Variants in IFT80 observed in about 807,000 individuals in gnomAD.
IFT80 encodes intraflagellar transport protein 80 homolog.
IFT80 carries 79 observed loss-of-function variants against 107.9 expected under a neutral mutation model. That is an observed-to-expected ratio of 0.73 (90% CI 0.61 to 0.88). The LOEUF (loss-of-function observed/expected upper bound fraction) is 0.88, where lower values mean the gene tolerates loss of function less well. Among genes scored for constraint, IFT80 ranks in the 40% least tolerant of loss-of-function variants. IFT80 has a pLI of 0.00. For synonymous variants in IFT80, 299 were observed against 300.9 expected (o/e 0.99, Z 0.07); for missense variants, 797 against 914.2 (o/e 0.87, Z 1.65).
chr3:160,289,227 T>G (rs565583453), intron 12 of IFT80, among the ~76,000 whole-genome samples: 1 of 152,294 alleles, frequency 6.6e-6, no homozygotes, highest in South Asian at 2.1e-4. Flanking sequence ...AATTACCACA[T>G]GTTCACACTT....
At chr3:160,355,404 A>G (rs1275904620) in intron 8 of IFT80, among the ~76,000 whole-genome samples, 1 of 151,936 alleles carries the variant, frequency 6.6e-6, no homozygotes, top group African/African-American at 2.4e-5. Flanking sequence ...ATGCACCATC[A>G]TGCCTGGCAA....
chr3:160,398,511 G>A (rs997582372), intron 1 of IFT80, among the ~76,000 whole-genome samples: 5 of 152,142 alleles, frequency 3.3e-5, no homozygotes, highest in African/African-American at 7.2e-5. Context: ...AGGGAATTAG[G>A]AGCAAGTATG....
At chr3:160,326,471 T>A (rs1183911273) in intron 8 of IFT80, among the ~76,000 whole-genome samples, 1 of 152,114 alleles carries the variant, frequency 6.6e-6, no homozygotes, top group Admixed American at 6.6e-5. Flanking sequence ...AAAAAGCTTA[T>A]CCACCATGAT....
In IFT80 at chr3:160,279,237, T is replaced by G. The variant is rs770104467; in HGVS notation, c.1792A>C (p.Ser598Arg). The G allele has an allele frequency of 9.3e-6, 15 of 1,613,682 alleles. No homozygotes were observed. Among genetic ancestry groups the G allele is most frequent in the Non-Finnish European group, 1.3e-5 (15 of 1,179,770 alleles). The change falls in exon 16 of 20, where the codon AGT (serine) becomes CGT (arginine). Residue 598 changes from serine to arginine, a missense_variant. Transcript: ENST00000326448. ...YPAILHEYVSSSKWEDAVRLC... is the reference protein window; with the variant it reads ...YPAILHEYVSRSKWEDAVRLC... ...CTCACAGCATCTTCCCATTTTGAAC[T>G]GCTTACATATTCATGGAGAATAGCA...
chr3:160,334,562 A>G (rs1576826377), intron 8 of IFT80, among the ~76,000 whole-genome samples: 1 of 152,004 alleles, frequency 6.6e-6, no homozygotes, highest in Admixed American at 6.6e-5. Context: ...GACTACAGGC[A>G]CCTGCCAGCA....
Position 160,377,480 on chromosome 3 carries a change from C to A in IFT80, c.320G>T (p.Gly107Val). The A allele has an allele frequency of 6.2e-7, 1 of 1,611,654 alleles. No homozygotes were observed. The highest frequency in any genetic ancestry group is 8.5e-7 in the Non-Finnish European group (1 of 1,178,234). Residue 107 changes from glycine (G) to valine (V), a missense_variant, in exon 4 of 20, where the codon GGA becomes GTA. By Grantham distance (109) the Gly-to-Val change is moderately radical. Coordinates refer to ENST00000326448, the MANE Select transcript of IFT80 (RefSeq NM_020800.3). ...ATTCCATCTTCCTGCAAGTACTGCT[C>A]CACAGTGAGCTTCTACACTTTTTTC... Reference protein sequence around the residue: ...RVEKSVEAHCGAVLAGRWNYE... With the variant: ...RVEKSVEAHCVAVLAGRWNYE...
Position 160,297,268 on chromosome 3 carries a change from CAAG to C in IFT80, c.1315+3612_1315+3614del, listed in dbSNP as rs573714747. Among the ~76,000 whole-genome samples the C allele has an allele frequency of 1.2e-4, 18 of 152,004 alleles. No individual in the cohort carries two copies. In the South Asian group the frequency reaches 3.5e-3, roughly 30 times the overall value. On this transcript the variant is annotated intron_variant, in intron 12 of 19. Transcript: ENST00000326448. ...AAAGATTGTTGGGAAAGAAAAAAAA[CAAG>C]AAGATTATTTTGATGATTCTCTTTA...
chr3:160,277,691 A>C (rs376053856), intron 16 of IFT80, 21 bp from the exon 17 acceptor site: 1 of 1,519,824 alleles, frequency 6.6e-7, no homozygotes, highest in South Asian at 1.1e-5. Flanking sequence ...GTATGAGAAC[A>C]ATTATCTTAA....
chr3:160,260,897 G>C (rs1712770446), intron 19 of IFT80, among the ~76,000 whole-genome samples: 1 of 152,140 alleles, frequency 6.6e-6, no homozygotes. Context: ...ACTTTACAGA[G>C]AATATAGTGG....
chr3:160,278,390 C>T (rs1714433215), intron 16 of IFT80, among the ~76,000 whole-genome samples: 1 of 152,202 alleles, frequency 6.6e-6, no homozygotes, highest in African/African-American at 2.4e-5. Flanking sequence ...ACCAGCCTTC[C>T]CTGTGCTATG....
At chr3:160,333,371 A>G (rs1321318781) in intron 8 of IFT80, among the ~76,000 whole-genome samples, 1 of 152,216 alleles carries the variant, frequency 6.6e-6, no homozygotes, top group Non-Finnish European at 1.5e-5. Flanking sequence ...TAACAAATTA[A>G]CTTCAGCTGA....
intron 1 of IFT80, among the ~76,000 whole-genome samples, chr3:160,394,908 G>A (rs1713663292): frequency 6.6e-6 from 1 of 152,138 alleles, no homozygotes. Context: ...TAAGCTGGTG[G>A]ATACCAAAAC....
At chr3:160,271,387 T>A (rs975486462) in intron 18 of IFT80, among the ~76,000 whole-genome samples, 8 of 152,208 alleles carry the variant, frequency 5.3e-5, no homozygotes, top group Non-Finnish European at 1.2e-4. Flanking sequence ...GATTTTTGCA[T>A]AACTTGAATG....
chr3:160,366,128 C>T lies in IFT80; in HGVS notation c.464G>A (p.Trp155Ter). 3.7e-6 allele frequency: 6 copies of T among 1,611,874 alleles called. No homozygotes were observed. Among genetic ancestry groups the T allele is most frequent in the Non-Finnish European group, 5.1e-6 (6 of 1,178,666 alleles). The change falls in exon 6 of 20, where the codon TGG becomes TAG. Residue 155 changes from tryptophan (W) to a stop codon, truncating the protein, a stop_gained. Coordinates refer to ENST00000326448, the MANE Select transcript of IFT80 (RefSeq NM_020800.3). LOFTEE classifies it high-confidence loss of function. The stretch of plus-strand genomic sequence containing the variant: ...AAGAACCTTTTCTGAATCAGGGCCC[C>T]ACGCTACTGAATACACTGGTGTTCC... Reference protein sequence around the residue: ...QQGTPVYSVAWGPDSEKVLYT... With the variant: ...QQGTPVYSVA
chr3:160,277,168 C>A, intron 18 of IFT80, 138 bp downstream of exon 18: 3 of 774,778 alleles, frequency 3.9e-6, no homozygotes, highest in Admixed American at 2.0e-5. Context: ...AAACTATTCA[C>A]AAATATGAAT....
intron 7 of IFT80, among the ~76,000 whole-genome samples, chr3:160,356,823 C>T (rs1369615905): frequency 6.6e-6 from 1 of 152,142 alleles, no homozygotes; most frequent in Non-Finnish European, 1.5e-5. Flanking sequence ...ACCTAGCTTG[C>T]TTACCATTTT....
intron 5 of IFT80, among the ~76,000 whole-genome samples, chr3:160,370,043 A>G (rs1013587134): frequency 3.9e-5 from 6 of 152,100 alleles, no homozygotes; most frequent in African/African-American, 1.2e-4. Flanking sequence ...ATTTTAAACC[A>G]CAGAAGAGGA....
rs562327224 is a variant in IFT80, at chr3:160,371,452, T to A, written c.439+4360A>T. The stretch of plus-strand genomic sequence containing the variant: ...TTATTTATTAATTTGTATTGATTGA[T>A]TTTTTTTGAGAAAGGGTCTTACTCT... On this transcript the variant is annotated intron_variant, in intron 5 of 19. Transcript: ENST00000326448. 2.0e-5 allele frequency among the ~76,000 whole-genome samples: 3 copies of A among 152,096 alleles called. No homozygotes were observed. The East Asian group carries it at 5.8e-4, about 29-fold the overall frequency.
chr3:160,351,009 C>A (rs1720657325), intron 8 of IFT80, among the ~76,000 whole-genome samples: 1 of 151,790 alleles, frequency 6.6e-6, no homozygotes. Context: ...AAAACCTGTA[C>A]ATTTTATTTG....
Sources: allele counts gnomAD v4.1 joint callset (sites outside exome capture counted in the v4.1 genomes callset), GRCh38; gene constraint gnomAD v4.1.1; transcripts MANE v1.5; gene names NCBI Gene and HGNC (gene_info 2026-07-23, HGNC 2026-07-21).